Variants in SULT1C3 observed in about 807,000 individuals in gnomAD.
SULT1C3 encodes sulfotransferase family 1C member 3, also known as sulfotransferase 1C3.
In SULT1C3, 31 loss-of-function variants were observed where a neutral mutation model predicts 28.4. The observed-to-expected ratio is 1.09, with a 90% CI of 0.82 to 1.47. The LOEUF (loss-of-function observed/expected upper bound fraction) is 1.47, where lower values mean the gene tolerates loss of function less well. Ranked by LOEUF, SULT1C3 falls within the 40% of genes most tolerant of loss-of-function variation. SULT1C3 has a pLI of 0.00. For synonymous variants in SULT1C3, 106 were observed against 92.2 expected (o/e 1.15, Z -0.86); for missense variants, 307 against 272.5 (o/e 1.13, Z -0.89).
downstream of SULT1C3, among the ~76,000 whole-genome samples, chr2:108,263,135 A>G (rs576952225): frequency 6.6e-6 from 1 of 152,088 alleles, no homozygotes; most frequent in Non-Finnish European, 1.5e-5. Context: ...TAAACTACTG[A>G]GGTTTGGGGA....
Position 108,247,290 on chromosome 2 carries a change from A to G in SULT1C3, c.96A>G (p.Ser32=). Residue 32 remains serine (S), a synonymous_variant, in exon 2 of 8, where the codon TCA becomes TCG. Coordinates refer to ENST00000681802, the MANE Select transcript of SULT1C3 (RefSeq NM_001320878.2). ...ATGGAGTCCCTACGTTGATATTATC[A>G]AAAGAATGGTGGGAAAAAGTATGTA... ...EVDGVPTLIL[S]KEWWEKVCNF... The G allele has an allele frequency of 6.2e-7, 1 of 1,600,764 alleles. No homozygotes were observed.
chr2:108,246,082 T>C lies in SULT1C3; in HGVS notation c.-7-1106T>C, dbSNP rs144444530. On this transcript the variant is annotated intron_variant, in intron 1 of 7. Coordinates refer to ENST00000681802, the MANE Select transcript of SULT1C3 (RefSeq NM_001320878.2). ...ATAGCAAGAGTGACCTTTACTTCAG[T>C]TCCCAACAAGATTCTCATCTCCATC... 3.6e-3 allele frequency among the ~76,000 whole-genome samples: 555 copies of C among 152,300 alleles called. 4 individuals carry two copies. The highest frequency in any genetic ancestry group is 0.012 in the African/African-American group (513 of 41,560).
At position 108,252,425 on chromosome 2, in the gene SULT1C3, G is replaced by T; in HGVS notation, c.233G>T (p.Cys78Phe). ...CTAAATGATGGTGATGTGGAGAAAT[G>T]CAAAAGAGCCCAGACTCTAGATAGA... ...MILNDGDVEK[C>F]KRAQTLDRHA... Residue 78 changes from cysteine (C) to phenylalanine (F), a missense_variant, in exon 3 of 8, where the codon TGC becomes TTC. Coordinates refer to ENST00000681802, the MANE Select transcript of SULT1C3 (RefSeq NM_001320878.2). 1 of 1,612,360 alleles carries T rather than the reference G, an allele frequency of 6.2e-7. No homozygotes were observed. The highest frequency in any genetic ancestry group is 1.1e-5 in the South Asian group (1 of 90,934).
chr2:108,258,027 G>A (rs192973373), intron 5 of SULT1C3, among the ~76,000 whole-genome samples: 2 of 152,036 alleles, frequency 1.3e-5, no homozygotes, highest in Non-Finnish European at 2.9e-5. Flanking sequence ...TCTGGAGAAT[G>A]TTTTCCATCA....
chr2:108,245,237 C>T (rs1357518607), intron 1 of SULT1C3, among the ~76,000 whole-genome samples: 2 of 152,246 alleles, frequency 1.3e-5, no homozygotes, highest in East Asian at 1.9e-4. Flanking sequence ...GTCATACTGT[C>T]CACAGGCAGT....
At chr2:108,251,890 T>G (rs1006665034) in intron 2 of SULT1C3, among the ~76,000 whole-genome samples, 3 of 152,024 alleles carry the variant, frequency 2.0e-5, no homozygotes, top group Non-Finnish European at 4.4e-5. Context: ...TAAGGATTTA[T>G]TATAAACTAG....
Position 108,253,407 on chromosome 2 carries a change from C to T in SULT1C3, c.364C>T (p.Leu122=). Residue 122 remains leucine (L), a synonymous_variant, in exon 4 of 8, where the codon CTG becomes TTG. Coordinates refer to ENST00000681802, the MANE Select transcript of SULT1C3 (RefSeq NM_001320878.2). The part of the protein sequence containing the change: ...QLIKTHLPSH[L]IPPSIWKENC... ...GATAAAAACACATCTCCCTTCACAT[C>T]TGATTCCACCATCTATCTGGAAAGA... 6.4e-7 allele frequency: 1 copy of T among 1,566,700 alleles called. No homozygotes were observed.
In SULT1C3 at chr2:108,255,631, G is replaced by A. The variant is rs1275647812; in HGVS notation, c.459G>A (p.Arg153=). 6.2e-7 allele frequency: 1 copy of A among 1,611,762 alleles called. No homozygotes were observed. Among genetic ancestry groups the A allele is most frequent in the Non-Finnish European group, 8.5e-7 (1 of 1,178,530 alleles). Residue 153 remains arginine (R), a synonymous_variant, in exon 5 of 8, where the codon AGG becomes AGA. Transcript: ENST00000681802. ...TGGTGTCCTACTACCACTTTCACAG[G>A]ATGGCTTCCTTTATGCCTGATCCTC... is the stretch of plus-strand genomic sequence containing the variant. ...DCLVSYYHFH[R]MASFMPDPQN...
At chr2:108,261,817 A>G (rs1269611574), downstream of SULT1C3, among the ~76,000 whole-genome samples, 5 of 152,164 alleles carry the variant, frequency 3.3e-5, no homozygotes, top group African/African-American at 1.2e-4. Flanking sequence ...GTGACAAGGC[A>G]GTGCTATTGT....
At chr2:108,254,735 G>GTATGTATGCATACATATGTATGTATA (rs1675820026) in intron 4 of SULT1C3, among the ~76,000 whole-genome samples, 1 of 141,744 alleles carries the variant, frequency 7.1e-6, no homozygotes, top group Admixed American at 6.9e-5. Flanking sequence ...ATGTATATAT[G>GTATGTATGCATACATATGTATGTATA]TATGTATGCA....
intron 1 of SULT1C3, among the ~76,000 whole-genome samples, chr2:108,246,862 T>C: frequency 6.6e-6 from 1 of 152,186 alleles, no homozygotes; most frequent in East Asian, 1.9e-4. Flanking sequence ...AATATGGTTG[T>C]TAGGTCATGC....
chr2:108,252,643 A>G lies in SULT1C3; in HGVS notation c.301+150A>G, dbSNP rs955560141. ...TCTCAGGCCAACAATCAAACTCTAG[A>G]TTGGGTCTTCAGGGCTTCCTCCTGT... On this transcript the variant is annotated intron_variant, in intron 3 of 7. Coordinates refer to ENST00000681802, the MANE Select transcript of SULT1C3 (RefSeq NM_001320878.2). The G allele has an allele frequency of 3.3e-6, 3 of 920,360 alleles. No homozygotes were observed. The African/African-American group carries it at 5.0e-5, about 15-fold the overall frequency. The allele number at this position is 920,360 out of a possible 1,614,324, so 57.0% of individuals were successfully genotyped here.
At chr2:108,258,679 T>C (rs1675936208) in intron 5 of SULT1C3, 55 bp from the exon 6 acceptor site, 3 of 1,319,742 alleles carry the variant, frequency 2.3e-6, no homozygotes, top group African/African-American at 1.5e-5. Context: ...ATTTACTTTA[T>C]AGCCTTGGGT....
At chr2:108,254,731 A>C (rs948922700) in intron 4 of SULT1C3, among the ~76,000 whole-genome samples, 2 of 143,936 alleles carry the variant, frequency 1.4e-5, no homozygotes, top group African/African-American at 5.4e-5. Flanking sequence ...ATATATGTAT[A>C]TATGTATGTA....
intron 1 of SULT1C3, among the ~76,000 whole-genome samples, chr2:108,241,985 A>G (rs1409629793): frequency 6.6e-6 from 1 of 151,942 alleles, no homozygotes; most frequent in East Asian, 1.9e-4. Context: ...TTAATTATAT[A>G]CCAGGTGTGG....
intron 1 of SULT1C3, among the ~76,000 whole-genome samples, chr2:108,243,735 T>C (rs944030598): frequency 1.3e-5 from 2 of 151,968 alleles, no homozygotes; most frequent in Non-Finnish European, 1.5e-5. Flanking sequence ...CAAGAGACTA[T>C]GAGATTTTGA....
downstream of SULT1C3, among the ~76,000 whole-genome samples, chr2:108,261,720 G>C (rs1676031060): frequency 6.6e-6 from 1 of 152,106 alleles, no homozygotes; most frequent in Non-Finnish European, 1.5e-5. Context: ...CATCTTGAAA[G>C]GGAATCAGGA....
In SULT1C3 at chr2:108,247,228, G is replaced by GA; in HGVS notation, c.41dup (p.Pro15AlafsTer5). 5 of 1,543,012 alleles carry GA rather than the reference G, an allele frequency of 3.2e-6. No homozygotes were observed. The highest frequency in any genetic ancestry group is 2.3e-5 in the East Asian group (1 of 42,904). ...GATTGAGAAAAACGCTCCCACGATG[G>GA]AAAAAAAGCCAGAACTGTTTAACAT... On this transcript the variant is annotated frameshift_variant, in exon 2 of 8. Transcript: ENST00000681802. LOFTEE classifies it high-confidence loss of function.
intron 5 of SULT1C3, among the ~76,000 whole-genome samples, chr2:108,257,755 C>T (rs1675913028): frequency 6.6e-6 from 1 of 152,026 alleles, no homozygotes; most frequent in Non-Finnish European, 1.5e-5. Flanking sequence ...AACATAAACA[C>T]TATTATCATA....
Sources: gnomAD v4.1 joint callset for allele counts (sites outside exome capture counted in the v4.1 genomes callset) on GRCh38, gnomAD v4.1.1 for gene constraint, MANE v1.5 for transcripts, NCBI Gene and HGNC (gene_info 2026-07-23, HGNC 2026-07-21) for gene names.